The following KCNQ1 variants were observed in gnomAD, a reference collection of about 807,000 sequenced individuals.
KCNQ1 encodes potassium voltage-gated channel subfamily Q member 1.
Under a neutral mutation model 72.4 loss-of-function variants are expected in KCNQ1, and 49 were observed. The ratio of observed to expected loss-of-function variants is 0.68; its 90% CI spans 0.54 to 0.86. KCNQ1 has a LOEUF of 0.86. Among genes scored for constraint, KCNQ1 ranks in the 40% least tolerant of loss-of-function variants. KCNQ1 has a pLI of 0.00. For missense variants in KCNQ1, 790 were observed against 945.1 expected, an observed-to-expected ratio of 0.84 and a Z score of 2.15; for synonymous variants, 450 against 412.6, an observed-to-expected ratio of 1.09 and a Z score of -1.10.
Position 2,683,700 on chromosome 11 carries a change from C to T in KCNQ1, c.1514+21619C>T. ...ACTGTGAAAAGCCTAGCCTGGGACT[C>T]AGGCCTTTCCTTACTCCCTCTGGTT... On this transcript the variant is annotated intron_variant, in intron 11 of 15. Coordinates refer to ENST00000155840, the MANE Select transcript of KCNQ1 (RefSeq NM_000218.3). This position sits in a 1 kb window ranked among gnomAD's most constrained non-coding sequence, Gnocchi z 4.7. 2.5e-6 allele frequency: 1 copy of T among 398,630 alleles called. No homozygotes were observed. The highest frequency in any genetic ancestry group is 4.4e-6 in the Non-Finnish European group (1 of 226,072). The allele number at this position is 398,630 out of a possible 1,614,324, so 24.7% of individuals were successfully genotyped here. A position where few individuals can be genotyped will look rare whatever the true frequency, so the allele number is the denominator to read the frequency against.
intron 10 of KCNQ1, chr11:2,650,590 GA>G: frequency 2.5e-6 from 1 of 398,636 alleles, no homozygotes; most frequent in Non-Finnish European, 4.4e-6. Flanking sequence ...GTGAAGGCAA[GA>G]AGGCTCCTTA....
chr11:2,685,883 AG>A, intron 11 of KCNQ1: 1 of 398,702 alleles, frequency 2.5e-6, no homozygotes, highest in East Asian at 3.6e-5. Flanking sequence ...CAACTAGACT[AG>A]GGAAGAACTT....
intron 15 of KCNQ1, among the ~76,000 whole-genome samples, chr11:2,805,007 G>A (rs984324784): frequency 6.6e-6 from 1 of 152,210 alleles, no homozygotes; most frequent in Non-Finnish European, 1.5e-5. Context: ...AGGCAATGAG[G>A]CCCCCGGGGT....
chr11:2,831,825 C>G (rs1847957886), intron 15 of KCNQ1, among the ~76,000 whole-genome samples: 1 of 151,774 alleles, frequency 6.6e-6, no homozygotes, highest in Non-Finnish European at 1.5e-5. Flanking sequence ...TCCATGACCC[C>G]CAGTGATTTC....
Position 2,567,252 on chromosome 11 carries a change from G to A in KCNQ1, c.478-3376G>A, listed in dbSNP as rs753596452. 1.2e-4 allele frequency among the ~76,000 whole-genome samples: 18 copies of A among 152,268 alleles called. No individual in the cohort carries two copies. Among genetic ancestry groups the A allele is most frequent in the South Asian group, 1.0e-3 (5 of 4,830 alleles). On this transcript the variant is annotated intron_variant, in intron 2 of 15. Coordinates refer to ENST00000155840, the MANE Select transcript of KCNQ1 (RefSeq NM_000218.3). This position sits in a 1 kb window ranked among gnomAD's most constrained non-coding sequence, Gnocchi z 6.6. ...TTGAGGCCCCTTTAGTTCACCTTTG[G>A]AACTTAGGACCAAGTCTGCAAATAC...
rs367880913 is a variant in KCNQ1, at chr11:2,588,698, T to C, written c.1252-15T>C. 55 of 1,613,056 alleles carry C rather than the reference T, an allele frequency of 3.4e-5. No homozygotes were observed. The highest frequency in any genetic ancestry group is 4.7e-5 in the Non-Finnish European group (55 of 1,179,972). ...ATGTCCAGGAACCGCTAATCTGTTG[T>C]CTTGTTTTTTTTAGGTAAAGAAAAA... On this transcript the variant is annotated splice_polypyrimidine_tract_variant and intron_variant, in intron 9 of 15. Transcript: ENST00000155840. The surrounding 1 kb of genome is among the most constrained non-coding windows in gnomAD (Gnocchi z 5.6).
At chr11:2,802,160 G>C (rs1347473709) in intron 15 of KCNQ1, among the ~76,000 whole-genome samples, 3 of 152,252 alleles carry the variant, frequency 2.0e-5, no homozygotes, top group African/African-American at 7.2e-5. Flanking sequence ...GGGTCAGGCA[G>C]GGGGAGGCCA....
intron 11 of KCNQ1, chr11:2,684,329 G>A: frequency 2.5e-6 from 1 of 398,642 alleles, no homozygotes; most frequent in Non-Finnish European, 4.4e-6. Context: ...CTCCTGAGGT[G>A]GCCCAGGTAT....
chr11:2,790,898 T>G (rs1424647819), intron 15 of KCNQ1, among the ~76,000 whole-genome samples: 1 of 152,156 alleles, frequency 6.6e-6, no homozygotes, highest in Non-Finnish European at 1.5e-5. Context: ...TGAATCCAGG[T>G]CTTGCTTTCC....
Position 2,711,930 on chromosome 11 carries a change from C to T in KCNQ1, c.1514+49849C>T, listed in dbSNP as rs1203929164. On this transcript the variant is annotated intron_variant, in intron 11 of 15. Coordinates refer to ENST00000155840, the MANE Select transcript of KCNQ1 (RefSeq NM_000218.3). The surrounding 1 kb of genome is among the most constrained non-coding windows in gnomAD (Gnocchi z 5.4). ...CAGGTGGCAGGTGGCTGGGGCTGCT[C>T]ACCTGCTCACCTGTGTCCATCCCCT... Among the ~76,000 whole-genome samples, 1 of 152,104 alleles carries T rather than the reference C, an allele frequency of 6.6e-6. No individual in the cohort carries two copies. The highest frequency in any genetic ancestry group is 2.4e-5 in the African/African-American group (1 of 41,418).
chr11:2,545,651 CAGGTGATTGATAATTCTATTT>C (rs1847894066), intron 2 of KCNQ1, among the ~76,000 whole-genome samples: 3 of 151,848 alleles, frequency 2.0e-5, no homozygotes, highest in South Asian at 2.1e-4. Flanking sequence ...TAATTATATT[CAGGTGATTGATAATTCTATTT>C]AGGTGATTGA....
Position 2,724,993 on chromosome 11 carries a change from G to A in KCNQ1, c.1515-43851G>A, listed in dbSNP as rs1845732869. The stretch of plus-strand genomic sequence containing the variant: ...AGGAGCCACTGGATTGGAACTTGGT[G>A]TGCCACCAGGGTCCCTGTCCGTTTA... On this transcript the variant is annotated intron_variant, in intron 11 of 15. Coordinates refer to ENST00000155840, the MANE Select transcript of KCNQ1 (RefSeq NM_000218.3). The surrounding 1 kb of genome is among the most constrained non-coding windows in gnomAD (Gnocchi z 6.8). 6.6e-6 allele frequency among the ~76,000 whole-genome samples: 1 copy of A among 152,134 alleles called. No individual in the cohort carries two copies. The highest frequency in any genetic ancestry group is 2.1e-4 in the South Asian group (1 of 4,826).
Position 2,824,259 on chromosome 11 carries a change from T to C in KCNQ1, c.1795-23508T>C, listed in dbSNP as rs1847794865. Among the ~76,000 whole-genome samples the C allele has an allele frequency of 6.6e-6, 1 of 151,902 alleles. No homozygotes were observed. The highest frequency in any genetic ancestry group is 1.5e-5 in the Non-Finnish European group (1 of 67,934). On this transcript the variant is annotated intron_variant, in intron 15 of 15. Coordinates refer to ENST00000155840, the MANE Select transcript of KCNQ1 (RefSeq NM_000218.3). The surrounding 1 kb of genome is among the most constrained non-coding windows in gnomAD (Gnocchi z 5.9). ...GTAGAGGGGAGGTGGGTGAGGAGGC[T>C]ACGCAGAGGCCCTGGGAGGAGGGAG...
Position 2,847,763 on chromosome 11 carries a change from G to A in KCNQ1, c.1795-4G>A, listed in dbSNP as rs769865006. 95 of 1,572,192 alleles carry A rather than the reference G, an allele frequency of 6.0e-5. 1 individual carries two copies. Among genetic ancestry groups the A allele is most frequent in the Non-Finnish European group, 7.5e-5 (87 of 1,158,318 alleles). The stretch of plus-strand genomic sequence containing the variant: ...GACTCTCTCGTCTGCCTTTGTCCCC[G>A]CAGGTGACGCAGCTGGACCAGAGGC... On this transcript the variant is annotated splice_region_variant and splice_polypyrimidine_tract_variant and intron_variant, in intron 15 of 15. Coordinates refer to ENST00000155840, the MANE Select transcript of KCNQ1 (RefSeq NM_000218.3).
intron 15 of KCNQ1, among the ~76,000 whole-genome samples, chr11:2,795,670 C>T (rs1364346607): frequency 6.6e-6 from 1 of 152,238 alleles, no homozygotes; most frequent in Non-Finnish European, 1.5e-5. Context: ...CTTTCCGTTG[C>T]CATGGTGACA....
chr11:2,635,100 G>T lies in KCNQ1; in HGVS notation c.1394-26861G>T, dbSNP rs369299776. On this transcript the variant is annotated intron_variant, in intron 10 of 15. Coordinates refer to ENST00000155840, the MANE Select transcript of KCNQ1 (RefSeq NM_000218.3). Reference sequence around the variant, plus strand: ...ATATTAGCCTTTTATCAGATGAGTAGATTGCAAAAAATTTCTCCCATTCTG... The same window carrying T: ...ATATTAGCCTTTTATCAGATGAGTATATTGCAAAAAATTTCTCCCATTCTG... The T allele has an allele frequency of 6.6e-5, 10 of 152,280 alleles. No individual in the cohort carries two copies. The East Asian group carries it at 1.9e-3, about 29-fold the overall frequency. 9.4% of individuals were successfully genotyped at this position (152,280 alleles called of 1,614,324 possible).
intron 11 of KCNQ1, among the ~76,000 whole-genome samples, chr11:2,732,903 G>A (rs1590058362): frequency 6.6e-6 from 1 of 152,204 alleles, no homozygotes; most frequent in South Asian, 2.1e-4. Flanking sequence ...CTGAGGCAGG[G>A]GTGGCTCTGG....
chr11:2,821,915 T>C (rs915994574), intron 15 of KCNQ1, among the ~76,000 whole-genome samples: 3 of 152,136 alleles, frequency 2.0e-5, no homozygotes, highest in African/African-American at 7.2e-5. Flanking sequence ...CCCTGTCCCT[T>C]CATGGCAGAG....
chr11:2,708,303 G>A (rs1348771470), intron 11 of KCNQ1, among the ~76,000 whole-genome samples: 4 of 152,182 alleles, frequency 2.6e-5, no homozygotes, highest in Admixed American at 6.5e-5. Flanking sequence ...TCTGCGGCCC[G>A]GGCCGCTGGC....
Sources: gnomAD v4.1 joint callset for allele counts (sites outside exome capture counted in the v4.1 genomes callset) on GRCh38, gnomAD v4.1.1 for gene constraint, Gnocchi (gnomAD v3.1) non-coding constraint, MANE v1.5 for transcripts, NCBI Gene and HGNC (gene_info 2026-07-23, HGNC 2026-07-21) for gene names.